The following CGNL1 variants were observed in gnomAD, a reference collection of about 807,000 sequenced individuals.
CGNL1 encodes the protein cingulin like 1.
Under a neutral mutation model 141.2 loss-of-function variants are expected in CGNL1, and 132 were observed. The ratio of observed to expected loss-of-function variants is 0.93; its 90% CI spans 0.81 to 1.08. The LOEUF (loss-of-function observed/expected upper bound fraction) is 1.08. Ranked by LOEUF, CGNL1 falls within the 50% of genes least tolerant of loss-of-function variation. The probability of loss-of-function intolerance (pLI) is 0.00; values close to 1 mark genes in which losing one functional copy is unlikely to be tolerated. For synonymous variants in CGNL1, 690 were observed against 622.1 expected (o/e 1.11, Z -1.63); for missense variants, 1,870 against 1,588.6 (o/e 1.18, Z -3.01).
chr15:57,483,741 A>G (rs188919725), intron 8 of CGNL1, among the ~76,000 whole-genome samples: 1 of 152,300 alleles, frequency 6.6e-6, no homozygotes, highest in African/African-American at 2.4e-5. Flanking sequence ...AATGTTAATT[A>G]TAGATCTTTT....
chr15:57,377,780 C>T (rs1181835145), intron 1 of CGNL1, among the ~76,000 whole-genome samples: 1 of 152,154 alleles, frequency 6.6e-6, no homozygotes, highest in East Asian at 1.9e-4. Flanking sequence ...CAGGGTTGTC[C>T]TATTCAGGGA....
At chr15:57,504,304 G>T (rs1159840002) in intron 8 of CGNL1, among the ~76,000 whole-genome samples, 6 of 152,174 alleles carry the variant, frequency 3.9e-5, no homozygotes, top group African/African-American at 1.4e-4. Context: ...AAAGGTAGTT[G>T]ACGGGCTCAG....
intron 8 of CGNL1, among the ~76,000 whole-genome samples, chr15:57,470,223 A>T (rs1356728804): frequency 6.6e-6 from 1 of 150,614 alleles, no homozygotes. Context: ...GGAAGATTCA[A>T]GGCTAAAAAA....
intron 8 of CGNL1, among the ~76,000 whole-genome samples, chr15:57,470,080 A>C (rs2063559911): frequency 6.6e-6 from 1 of 152,192 alleles, no homozygotes; most frequent in Non-Finnish European, 1.5e-5. Flanking sequence ...ACTTACCCTG[A>C]ATGACGGCTA....
chr15:57,541,148 A>G (rs2032543688), intron 14 of CGNL1, among the ~76,000 whole-genome samples: 1 of 152,252 alleles, frequency 6.6e-6, no homozygotes, highest in East Asian at 1.9e-4. Flanking sequence ...CCTGTATCCC[A>G]GAAGTTAGAT....
chr15:57,467,461 T>C (rs1196960679), intron 8 of CGNL1, among the ~76,000 whole-genome samples: 1 of 151,986 alleles, frequency 6.6e-6, no homozygotes, highest in Non-Finnish European at 1.5e-5. Context: ...CTGGGCTTTG[T>C]GGAGAAAATG....
intron 1 of CGNL1, among the ~76,000 whole-genome samples, chr15:57,429,764 G>T (rs1034066421): frequency 6.6e-6 from 1 of 152,156 alleles, no homozygotes; most frequent in Admixed American, 6.5e-5. Context: ...TATGAACAAA[G>T]CCAGCTTTCT....
At chr15:57,387,068 T>C (rs2062491828) in intron 1 of CGNL1, among the ~76,000 whole-genome samples, 1 of 152,156 alleles carries the variant, frequency 6.6e-6, no homozygotes, top group Non-Finnish European at 1.5e-5. Flanking sequence ...CCTGGACCCG[T>C]AGAGCAGTCA....
chr15:57,425,471 C>T (rs1052008676), intron 1 of CGNL1, among the ~76,000 whole-genome samples: 9 of 152,214 alleles, frequency 5.9e-5, no homozygotes, highest in African/African-American at 2.2e-4. Context: ...GCCAGGTGCA[C>T]TGGCTCACGC....
chr15:57,440,502 T>C (rs1370004993), intron 3 of CGNL1, 31 bp downstream of exon 3: 1 of 1,466,822 alleles, frequency 6.8e-7, no homozygotes, highest in Non-Finnish European at 9.4e-7. Context: ...AAGAGCAAAG[T>C]ATTGTTGTTT....
At chr15:57,483,279 G>A (rs537734641) in intron 8 of CGNL1, among the ~76,000 whole-genome samples, 19 of 152,238 alleles carry the variant, frequency 1.2e-4, no homozygotes, top group South Asian at 6.2e-4. Context: ...TCCTGTATGT[G>A]TTGTGCTAAA....
intron 7 of CGNL1, among the ~76,000 whole-genome samples, chr15:57,458,793 G>A (rs1373389411): frequency 1.3e-5 from 2 of 152,220 alleles, no homozygotes; most frequent in Non-Finnish European, 1.5e-5. Context: ...TACGAGGACA[G>A]GGTATAATTT....
At chr15:57,460,680 G>T (rs2152332100) in intron 7 of CGNL1, among the ~76,000 whole-genome samples, 1 of 152,264 alleles carries the variant, frequency 6.6e-6, no homozygotes, top group South Asian at 2.1e-4. Context: ...TATCTCATGA[G>T]AACTCACTAT....
intron 1 of CGNL1, among the ~76,000 whole-genome samples, chr15:57,410,901 A>C (rs190880733): frequency 6.6e-6 from 1 of 152,212 alleles, no homozygotes; most frequent in South Asian, 2.1e-4. Context: ...GTGGGGAAAA[A>C]TCAGATTTGC....
intron 8 of CGNL1, among the ~76,000 whole-genome samples, chr15:57,490,745 AAG>A (rs1251695059): frequency 1.3e-5 from 2 of 152,146 alleles, no homozygotes; most frequent in Non-Finnish European, 2.9e-5. Flanking sequence ...TGGGGGAGAA[AAG>A]AGTCACTTTT....
chr15:57,528,633 C>A (rs1301534141), intron 12 of CGNL1, 21 bp from the exon 13 acceptor site: 24 of 1,612,992 alleles, frequency 1.5e-5, no homozygotes, highest in Non-Finnish European at 2.0e-5. Context: ...AGAAAACCAT[C>A]CCAGCTGTCT....
intron 1 of CGNL1, among the ~76,000 whole-genome samples, chr15:57,387,563 TA>T (rs1293531190): frequency 6.6e-6 from 1 of 152,188 alleles, no homozygotes; most frequent in Non-Finnish European, 1.5e-5. Context: ...GGAGCACACA[TA>T]GGGGCCCTGA....
chr15:57,392,113 T>A (rs1251855556), intron 1 of CGNL1, among the ~76,000 whole-genome samples: 1 of 152,198 alleles, frequency 6.6e-6, no homozygotes, highest in African/African-American at 2.4e-5. Context: ...GGCCATGGGA[T>A]GGTGCTGTGG....
intron 1 of CGNL1, among the ~76,000 whole-genome samples, chr15:57,415,722 T>C (rs2062841179): frequency 6.6e-6 from 1 of 152,230 alleles, no homozygotes; most frequent in Non-Finnish European, 1.5e-5. Flanking sequence ...CCTCAGTGCC[T>C]GGCACGGGCC....
Sources: allele counts gnomAD v4.1 joint callset (sites outside exome capture counted in the v4.1 genomes callset), GRCh38; gene constraint gnomAD v4.1.1; transcripts MANE v1.5; gene names NCBI Gene and HGNC (gene_info 2026-07-23, HGNC 2026-07-21).